VPS13B: variants seen among roughly 807,000 people sequenced by gnomAD.
VPS13B encodes vacuolar protein sorting 13 homolog B.
In VPS13B, 285 loss-of-function variants were observed where a neutral mutation model predicts 426.4. That is an observed-to-expected ratio of 0.67 (90% CI 0.61 to 0.74). VPS13B has a LOEUF of 0.74. Ranked by LOEUF, VPS13B falls within the 30% of genes least tolerant of loss-of-function variation. VPS13B has a pLI of 0.00. For synonymous variants in VPS13B, 1,676 were observed against 1,676.4 expected, an observed-to-expected ratio of 1.00 and a Z score of 0.01; for missense variants, 4,537 against 4,782.6, an observed-to-expected ratio of 0.95 and a Z score of 1.51.
intron 17 of VPS13B, among the ~76,000 whole-genome samples, chr8:99,272,954 G>C (rs1818675510): frequency 6.6e-6 from 1 of 152,018 alleles, no homozygotes; most frequent in South Asian, 2.1e-4. Context: ...AATGTTCATT[G>C]GAGCACTTTT....
At chr8:99,041,638 G>A (rs1347152063) in intron 3 of VPS13B, among the ~76,000 whole-genome samples, 1 of 152,152 alleles carries the variant, frequency 6.6e-6, no homozygotes, top group Non-Finnish European at 1.5e-5. Flanking sequence ...TGGATCACGA[G>A]GTCAGGAGAT....
intron 25 of VPS13B, among the ~76,000 whole-genome samples, chr8:99,483,720 ACATCCATTT>A (rs1384138076): frequency 6.6e-6 from 1 of 152,178 alleles, no homozygotes; most frequent in African/African-American, 2.4e-5. Context: ...GAAAAACATG[ACATCCATTT>A]TGGAGTGCTC....
At chr8:99,481,824 G>T in intron 25 of VPS13B, 22 bp downstream of exon 25, 2 of 1,612,150 alleles carry the variant, frequency 1.2e-6, no homozygotes, top group South Asian at 2.2e-5. Context: ...TGAAAATCCT[G>T]TTACAAAATG....
intron 25 of VPS13B, among the ~76,000 whole-genome samples, chr8:99,492,212 T>G (rs1350730161): frequency 1.3e-5 from 2 of 152,180 alleles, no homozygotes; most frequent in Non-Finnish European, 2.9e-5. Context: ...ACAGCAAATA[T>G]TGCTGCCTGA....
chr8:99,128,370 G>A (rs1478214171), intron 8 of VPS13B, among the ~76,000 whole-genome samples: 1 of 101,456 alleles, frequency 9.9e-6, no homozygotes, highest in Non-Finnish European at 1.8e-5. Context: ...CTGGGTGACA[G>A]AGCAAGATAC....
At chr8:99,122,902 C>T (rs548645906) in intron 8 of VPS13B, among the ~76,000 whole-genome samples, 1 of 151,852 alleles carries the variant, frequency 6.6e-6, no homozygotes, top group South Asian at 2.1e-4. Context: ...CACCTGAGAT[C>T]TGGAATTCGA....
intron 30 of VPS13B, among the ~76,000 whole-genome samples, chr8:99,552,451 T>G (rs919604562): frequency 1.3e-5 from 2 of 152,040 alleles, no homozygotes; most frequent in African/African-American, 4.8e-5. Context: ...GGAGCAAGAC[T>G]GTCCAGACTG....
At chr8:99,261,117 C>T (rs997321841) in intron 17 of VPS13B, among the ~76,000 whole-genome samples, 3 of 152,016 alleles carry the variant, frequency 2.0e-5, no homozygotes, top group Non-Finnish European at 4.4e-5. Context: ...CATGAACCTA[C>T]ACTGATGTGT....
At chr8:99,600,744 A>C (rs922230618) in intron 33 of VPS13B, among the ~76,000 whole-genome samples, 1 of 152,166 alleles carries the variant, frequency 6.6e-6, no homozygotes, top group African/African-American at 2.4e-5. Context: ...CGAGTGCTGG[A>C]GAGCTTTCTT....
chr8:99,342,156 C>T (rs758910424), intron 19 of VPS13B, among the ~76,000 whole-genome samples: 2 of 152,080 alleles, frequency 1.3e-5, no homozygotes, highest in African/African-American at 4.8e-5. Context: ...TGGGGTATAG[C>T]GTGATGTCTT....
intron 54 of VPS13B, among the ~76,000 whole-genome samples, chr8:99,837,659 A>T (rs2130872083): frequency 1.3e-5 from 2 of 152,154 alleles, no homozygotes; most frequent in South Asian, 4.2e-4. Flanking sequence ...ATCTTTTAGG[A>T]GCTGTGTGCC....
chr8:99,518,732 A>G (rs986341380), intron 29 of VPS13B, among the ~76,000 whole-genome samples: 1 of 152,188 alleles, frequency 6.6e-6, no homozygotes, highest in Non-Finnish European at 1.5e-5. Flanking sequence ...CATACCAAGT[A>G]TGTGAAAATA....
At chr8:99,455,560 C>T (rs1818410077) in intron 23 of VPS13B, among the ~76,000 whole-genome samples, 1 of 152,120 alleles carries the variant, frequency 6.6e-6, no homozygotes, top group African/African-American at 2.4e-5. Flanking sequence ...GTATAACCAT[C>T]ATCATAATAA....
intron 58 of VPS13B, among the ~76,000 whole-genome samples, chr8:99,864,828 T>A (rs1480136584): frequency 2.0e-5 from 3 of 152,290 alleles, no homozygotes; most frequent in Non-Finnish European, 4.4e-5. Flanking sequence ...GACAGGAGCC[T>A]GGGCCTTTCC....
chr8:99,352,936 G>T (rs1029227155), intron 19 of VPS13B, among the ~76,000 whole-genome samples: 6 of 151,778 alleles, frequency 4.0e-5, no homozygotes, highest in African/African-American at 1.5e-4. Context: ...TTTTCTTCCA[G>T]ACTTTAAGTT....
chr8:99,560,775 A>G (rs62534594), intron 31 of VPS13B, among the ~76,000 whole-genome samples: 9,086 of 152,294 alleles, frequency 0.06, 390 homozygotes, highest in Non-Finnish European at 0.094. Context: ...TCTAAATATC[A>G]CATGATAGCA....
chr8:99,036,087 G>A (rs1748775043), intron 2 of VPS13B, among the ~76,000 whole-genome samples: 1 of 151,976 alleles, frequency 6.6e-6, no homozygotes, highest in Non-Finnish European at 1.5e-5. Flanking sequence ...AAATATTTTT[G>A]TCCATTTCAT....
At chr8:99,046,462 G>T (rs1288509091) in intron 3 of VPS13B, among the ~76,000 whole-genome samples, 1 of 151,832 alleles carries the variant, frequency 6.6e-6, no homozygotes, top group Non-Finnish European at 1.5e-5. Flanking sequence ...TCTTGATAGG[G>T]TTTTCTAGGT....
intron 31 of VPS13B, 81 bp from the exon 32 acceptor site, chr8:99,575,577 G>A: frequency 6.4e-7 from 1 of 1,570,410 alleles, no homozygotes. Context: ...CATGTTTGTA[G>A]TACAAAGACT....
Sources: gnomAD v4.1 joint callset for allele counts (sites outside exome capture counted in the v4.1 genomes callset) on GRCh38, gnomAD v4.1.1 for gene constraint, MANE v1.5 for transcripts, NCBI Gene and HGNC (gene_info 2026-07-23, HGNC 2026-07-21) for gene names.